CNTNAP5: variants seen among roughly 807,000 people sequenced by gnomAD.
The protein encoded by CNTNAP5 is contactin associated protein family member 5.
A neutral mutation model predicts 150.2 loss-of-function variants in CNTNAP5; 72 were observed. That is an observed-to-expected ratio of 0.48 (90% CI 0.40 to 0.58). The LOEUF (loss-of-function observed/expected upper bound fraction) is 0.58. Among genes scored for constraint, CNTNAP5 ranks in the 20% least tolerant of loss-of-function variants. The pLI is 0.00. For synonymous variants in CNTNAP5, 672 were observed against 619.8 expected (o/e 1.08, Z -1.25); for missense variants, 1,636 against 1,626.2 (o/e 1.01, Z -0.10).
chr2:124,584,656 T>G (rs1028751943), intron 11 of CNTNAP5, among the ~76,000 whole-genome samples: 1 of 152,212 alleles, frequency 6.6e-6, no homozygotes, highest in African/African-American at 2.4e-5. Flanking sequence ...CAAAAATGTT[T>G]ATTATATTAC....
intron 1 of CNTNAP5, among the ~76,000 whole-genome samples, chr2:124,080,427 T>C (rs892841762): frequency 1.3e-5 from 2 of 152,236 alleles, no homozygotes; most frequent in Non-Finnish European, 1.5e-5. Context: ...AGGATTATTA[T>C]ACCTTCCGGC....
chr2:124,248,174 C>T (rs1464516444), intron 3 of CNTNAP5, among the ~76,000 whole-genome samples: 1 of 152,138 alleles, frequency 6.6e-6, no homozygotes, highest in Admixed American at 6.6e-5. Context: ...CCACTGGTTG[C>T]TTGCATGACC....
At chr2:124,638,442 A>G (rs992360247) in intron 12 of CNTNAP5, among the ~76,000 whole-genome samples, 1 of 152,100 alleles carries the variant, frequency 6.6e-6, no homozygotes, top group African/African-American at 2.4e-5. Context: ...ACAGAATACT[A>G]TTTGAAAGTT....
At chr2:124,603,751 T>A (rs932049264) in intron 11 of CNTNAP5, among the ~76,000 whole-genome samples, 7 of 152,192 alleles carry the variant, frequency 4.6e-5, no homozygotes, top group Non-Finnish European at 8.8e-5. Context: ...ACAAGATAGA[T>A]GCTACGTAGG....
intron 18 of CNTNAP5, among the ~76,000 whole-genome samples, chr2:124,794,914 TATA>T (rs1681812973): frequency 6.6e-6 from 1 of 152,222 alleles, no homozygotes; most frequent in South Asian, 2.1e-4. Context: ...ATAATAAAAG[TATA>T]ATAATTTTTG....
intron 11 of CNTNAP5, among the ~76,000 whole-genome samples, chr2:124,572,731 C>G (rs1019478373): frequency 3.3e-5 from 5 of 152,200 alleles, no homozygotes; most frequent in African/African-American, 1.2e-4. Flanking sequence ...ATTCTCAGCT[C>G]TAGCCCTGTT....
At chr2:124,094,754 A>G (rs928901406) in intron 1 of CNTNAP5, among the ~76,000 whole-genome samples, 1 of 152,170 alleles carries the variant, frequency 6.6e-6, no homozygotes, top group Admixed American at 6.5e-5. Context: ...GGTTGGAGGC[A>G]TGCACAGCCC....
chr2:124,747,313 G>T lies in CNTNAP5; in HGVS notation c.2162G>T (p.Cys721Phe). ...GGTTCCCCTCCTGGGGTCCAGCAGT[G>T]TGAGTGTGGCCTAGACGAGAGCTGC... Reference protein sequence around the residue: ...WGGSPPGVQQCECGLDESCLD... With the variant: ...WGGSPPGVQQFECGLDESCLD... Residue 721 changes from cysteine (C) to phenylalanine (F), a missense_variant, in exon 14 of 24, where the codon TGT becomes TTT. Physicochemically the swap from Cys to Phe is radical, Grantham distance 205. Coordinates refer to ENST00000682447, the MANE Select transcript of CNTNAP5 (RefSeq NM_001367498.1). 1 of 1,613,840 alleles carries T rather than the reference G, an allele frequency of 6.2e-7. No homozygotes were observed. Among genetic ancestry groups the T allele is most frequent in the Non-Finnish European group, 8.5e-7 (1 of 1,179,792 alleles).
intron 3 of CNTNAP5, among the ~76,000 whole-genome samples, chr2:124,406,427 C>T (rs572518443): frequency 3.4e-4 from 51 of 152,072 alleles, no homozygotes; most frequent in African/African-American, 9.9e-4. Context: ...TGGTTTTGTT[C>T]GCATATATTT....
chr2:124,488,615 T>A (rs542857877), intron 7 of CNTNAP5, among the ~76,000 whole-genome samples: 1 of 152,362 alleles, frequency 6.6e-6, no homozygotes, highest in East Asian at 1.9e-4. Context: ...AAATGTTGAA[T>A]AAGTGAATGC....
At chr2:124,454,408 A>G (rs961842621) in intron 6 of CNTNAP5, among the ~76,000 whole-genome samples, 4 of 152,200 alleles carry the variant, frequency 2.6e-5, no homozygotes, top group Non-Finnish European at 5.9e-5. Flanking sequence ...TAAAACAATT[A>G]CTACTAGACC....
At chr2:124,779,590 C>T (rs972440869) in intron 17 of CNTNAP5, among the ~76,000 whole-genome samples, 21 of 152,128 alleles carry the variant, frequency 1.4e-4, no homozygotes, top group Non-Finnish European at 2.8e-4. Flanking sequence ...ATTTATTTTT[C>T]GTTTCTCCTG....
At chr2:124,119,073 T>C (rs754415454) in intron 1 of CNTNAP5, among the ~76,000 whole-genome samples, 8 of 152,182 alleles carry the variant, frequency 5.3e-5, no homozygotes, top group Non-Finnish European at 1.2e-4. Flanking sequence ...GTGTTCTCTT[T>C]GCCTGGAACA....
intron 22 of CNTNAP5, among the ~76,000 whole-genome samples, chr2:124,909,601 C>A (rs188740430): frequency 6.6e-6 from 1 of 151,638 alleles, no homozygotes; most frequent in Non-Finnish European, 1.5e-5. Context: ...GATCTAATAA[C>A]TAAATATTTT....
chr2:124,323,682 C>T lies in CNTNAP5; in HGVS notation c.381+81289C>T, dbSNP rs543451710. Among the ~76,000 whole-genome samples the T allele has an allele frequency of 2.6e-5, 4 of 152,270 alleles. No homozygotes were observed. The South Asian group carries it at 8.3e-4, about 32-fold the overall frequency. ...CTTCCATTTAGCCTGCTAAATCAGG[C>T]CTGCCAACCCCTGCCTCCTGAGGAG... On this transcript the variant is annotated intron_variant, in intron 3 of 23. Coordinates refer to ENST00000682447, the MANE Select transcript of CNTNAP5 (RefSeq NM_001367498.1).
intron 13 of CNTNAP5, among the ~76,000 whole-genome samples, chr2:124,695,962 A>G (rs1679397242): frequency 6.6e-6 from 1 of 152,202 alleles, no homozygotes; most frequent in Admixed American, 6.5e-5. Context: ...GAGGTTGAAG[A>G]CTTGTGAAGT....
intron 1 of CNTNAP5, among the ~76,000 whole-genome samples, chr2:124,221,369 A>T (rs1686306997): frequency 6.6e-6 from 1 of 152,118 alleles, no homozygotes; most frequent in Non-Finnish European, 1.5e-5. Context: ...GGGTTTGCTC[A>T]AGTGGCTTAT....
intron 19 of CNTNAP5, among the ~76,000 whole-genome samples, chr2:124,810,139 C>T (rs1460322350): frequency 6.6e-6 from 1 of 152,162 alleles, no homozygotes; most frequent in South Asian, 2.1e-4. Context: ...ACTTGATATG[C>T]ATGCATTCAT....
intron 3 of CNTNAP5, among the ~76,000 whole-genome samples, chr2:124,374,852 G>A (rs1049090983): frequency 6.6e-6 from 1 of 152,056 alleles, no homozygotes; most frequent in South Asian, 2.1e-4. Context: ...CAAAAGTAAG[G>A]CAATACTGAA....
Sources: allele counts gnomAD v4.1 joint callset (sites outside exome capture counted in the v4.1 genomes callset), GRCh38; gene constraint gnomAD v4.1.1; transcripts MANE v1.5; gene names NCBI Gene and HGNC (gene_info 2026-07-23, HGNC 2026-07-21).